PCDHA2: variants seen among roughly 807,000 people sequenced by gnomAD.
PCDHA2 encodes protocadherin alpha 2, also known as protocadherin alpha-2.
A neutral mutation model predicts 66.0 loss-of-function variants in PCDHA2; 58 were observed. The ratio of observed to expected loss-of-function variants is 0.88; its 90% CI spans 0.71 to 1.09. PCDHA2 has a LOEUF of 1.09. Among genes scored for constraint, PCDHA2 ranks in the 50% least tolerant of loss-of-function variants. PCDHA2 has a pLI of 0.00. For missense variants in PCDHA2, 1,267 were observed against 1,242.3 expected (o/e 1.02, Z -0.30); for synonymous variants, 634 against 554.0 (o/e 1.14, Z -2.03).
At chr5:140,858,305 C>G (rs782690239) in intron 1 of PCDHA2, 1 of 1,597,172 alleles carries the variant, frequency 6.3e-7, no homozygotes, top group South Asian at 1.1e-5. Flanking sequence ...GCAGCAGAGG[C>G]GGCAGAGGGT....
chr5:140,836,336 G>A (rs1346966791), intron 1 of PCDHA2: 4 of 1,613,640 alleles, frequency 2.5e-6, no homozygotes, highest in Admixed American at 1.7e-5. Context: ...TGGTGCTTGT[G>A]AAGGACCACG....
At chr5:140,897,560 T>C (rs1398247980) in intron 1 of PCDHA2, among the ~76,000 whole-genome samples, 1 of 152,200 alleles carries the variant, frequency 6.6e-6, no homozygotes, top group Non-Finnish European at 1.5e-5. Flanking sequence ...GGTGTATATG[T>C]GCCACATTTT....
chr5:140,869,739 A>G lies in PCDHA2; in HGVS notation c.2388+72387A>G, dbSNP rs541641507. 5 of 1,613,386 alleles carry G rather than the reference A, an allele frequency of 3.1e-6. No individual in the cohort carries two copies. In the South Asian group the frequency reaches 5.5e-5, roughly 18 times the overall value. Reference sequence around the variant, plus strand: ...AAACTCCGGAACTTAATTTGCTGCTAACAGCTACAGACGGGGGAAAACCAG... The same window carrying G: ...AAACTCCGGAACTTAATTTGCTGCTGACAGCTACAGACGGGGGAAAACCAG... On this transcript the variant is annotated intron_variant, in intron 1 of 3. Transcript: ENST00000526136.
At chr5:140,913,970 T>C (rs2076541614) in intron 1 of PCDHA2, among the ~76,000 whole-genome samples, 1 of 152,144 alleles carries the variant, frequency 6.6e-6, no homozygotes. Context: ...TAAAAAAATA[T>C]TTTAGGACTT....
intron 1 of PCDHA2, chr5:140,883,260 C>A (rs1554177345): frequency 6.2e-7 from 1 of 1,613,946 alleles, no homozygotes; most frequent in Non-Finnish European, 8.5e-7. Context: ...ATTCCAATGG[C>A]GGGTCATTGT....
intron 1 of PCDHA2, chr5:140,929,209 G>C (rs553616030): frequency 1.2e-6 from 2 of 1,613,936 alleles, no homozygotes. Context: ...GCTGTTGCGT[G>C]GGGAGTACAA....
Position 140,856,487 on chromosome 5 carries a change from C to G in PCDHA2, c.2388+59135C>G, listed in dbSNP as rs1171656977. Reference sequence around the variant, plus strand: ...GCTCTCAATACCTGAATCCAGACTGCTTGACTCTCGATTTCCACTAGAAGG... The same window carrying G: ...GCTCTCAATACCTGAATCCAGACTGGTTGACTCTCGATTTCCACTAGAAGG... On this transcript the variant is annotated intron_variant, in intron 1 of 3. Coordinates refer to ENST00000526136, the MANE Select transcript of PCDHA2 (RefSeq NM_018905.3). 4 of 1,598,200 alleles carry G rather than the reference C, an allele frequency of 2.5e-6. No homozygotes were observed. The African/African-American group carries it at 5.4e-5, about 22-fold the overall frequency.
chr5:140,865,089 TA>T (rs1554159250), intron 1 of PCDHA2: 1 of 152,250 alleles, frequency 6.6e-6, no homozygotes, highest in Admixed American at 6.5e-5. Flanking sequence ...GGGATATTAA[TA>T]AAGGCACTTC....
Position 140,823,664 on chromosome 5 carries a change from T to A in PCDHA2, c.2388+26312T>A, listed in dbSNP as rs2150128054. On this transcript the variant is annotated intron_variant, in intron 1 of 3. Coordinates refer to ENST00000526136, the MANE Select transcript of PCDHA2 (RefSeq NM_018905.3). ...CGCGTGGGGCTGTACACAGGCGAGA[T>A]CAGCACAACACGCTCTCTGGATGAG... 16 of 1,613,856 alleles carry A rather than the reference T, an allele frequency of 9.9e-6. No individual in the cohort carries two copies. Among genetic ancestry groups the A allele is most frequent in the Middle Eastern group, 3.3e-4 (2 of 6,084 alleles).
intron 1 of PCDHA2, among the ~76,000 whole-genome samples, chr5:140,945,892 G>T (rs1351699782): frequency 1.3e-5 from 2 of 152,018 alleles, no homozygotes; most frequent in African/African-American, 4.8e-5. Context: ...AGAAAACACA[G>T]TGGGAAAGAT....
At chr5:140,874,328 T>G (rs937817026) in intron 1 of PCDHA2, among the ~76,000 whole-genome samples, 1 of 144,806 alleles carries the variant, frequency 6.9e-6, no homozygotes, top group African/African-American at 2.9e-5. Flanking sequence ...TCTTATCTGT[T>G]TTTTTCTCTT....
chr5:140,900,380 C>T (rs554914375), intron 1 of PCDHA2, among the ~76,000 whole-genome samples: 2 of 152,208 alleles, frequency 1.3e-5, no homozygotes, highest in Admixed American at 6.5e-5. Flanking sequence ...TGGGTTCAAG[C>T]GATTCTCCTG....
At chr5:140,802,776 G>A (rs1017296773) in intron 1 of PCDHA2, 5 of 1,613,170 alleles carry the variant, frequency 3.1e-6, no homozygotes, top group Admixed American at 1.7e-5. Flanking sequence ...GGACCACGAG[G>A]AGCTAGAGCT....
chr5:140,798,200 G>A (rs1011781900), intron 1 of PCDHA2, among the ~76,000 whole-genome samples: 3 of 152,134 alleles, frequency 2.0e-5, no homozygotes, highest in Admixed American at 1.3e-4. Context: ...AGCAGCCTGA[G>A]TGGATATTTT....
rs78042832 is a variant in PCDHA2, at chr5:140,978,370, A to G, written c.2389-579A>G. Among the ~76,000 whole-genome samples, 198 of 152,318 alleles carry G rather than the reference A, an allele frequency of 1.3e-3. 1 individual carries two copies. The East Asian group carries it at 0.027, about 21-fold the overall frequency. On this transcript the variant is annotated intron_variant, in intron 1 of 3. Transcript: ENST00000526136. ...TAGCAAAACAAGGTCAAACTCTGCA[A>G]TAGTTTGTTTTCCTCTCCCTAGTAT...
intron 1 of PCDHA2, chr5:140,856,374 T>A (rs568319142): frequency 1.3e-6 from 2 of 1,598,376 alleles, no homozygotes; most frequent in Middle Eastern, 3.3e-4. Context: ...GAGGTGATCG[T>A]GGACAGGCCG....
intron 1 of PCDHA2, among the ~76,000 whole-genome samples, chr5:140,943,885 T>C (rs762067236): frequency 6.6e-5 from 10 of 152,242 alleles, no homozygotes; most frequent in Non-Finnish European, 1.2e-4. Flanking sequence ...TTCATTGGAC[T>C]GGTCATTATG....
rs782564746 is a variant in PCDHA2 at position 140,871,379 on chromosome 5, C to T, written c.2388+74027C>T. 2.2e-5 allele frequency: 36 copies of T among 1,614,072 alleles called. No homozygotes were observed. Among genetic ancestry groups the T allele is most frequent in the Non-Finnish European group, 2.8e-5 (33 of 1,180,034 alleles). On this transcript the variant is annotated intron_variant, in intron 1 of 3. Transcript: ENST00000526136. ...CAGCAGAGGCGGCAGAGGGTGTGCT[C>T]TGAGGAGGGCCCACCTAAGACGGAC...
rs2150347942 is a variant in PCDHA2 at position 140,842,929 on chromosome 5, C to G, written c.2388+45577C>G. On this transcript the variant is annotated intron_variant, in intron 1 of 3. Coordinates refer to ENST00000526136, the MANE Select transcript of PCDHA2 (RefSeq NM_018905.3). ...TAGAGCTGCTGCAGTTCCAGGTGAG[C>G]GCGCGCGACGCGGGCGTGCCGCCTC... is the stretch of plus-strand genomic sequence containing the variant. The G allele has an allele frequency of 1.2e-5, 19 of 1,594,384 alleles. No individual in the cohort carries two copies. The East Asian group carries it at 3.8e-4, about 32-fold the overall frequency.
Sources: gnomAD v4.1 joint callset for allele counts (sites outside exome capture counted in the v4.1 genomes callset) on GRCh38, gnomAD v4.1.1 for gene constraint, MANE v1.5 for transcripts, NCBI Gene and HGNC (gene_info 2026-07-23, HGNC 2026-07-21) for gene names.